The following ATP2B2 variants were observed in gnomAD, a reference collection of about 807,000 sequenced individuals.
The protein encoded by ATP2B2 is ATPase plasma membrane Ca2+ transporting 2, also known as plasma membrane calcium-transporting ATPase 2.
ATP2B2 carries 15 observed loss-of-function variants against 120.0 expected under a neutral mutation model. The ratio of observed to expected loss-of-function variants is 0.12; its 90% CI spans 0.08 to 0.19. ATP2B2 has a LOEUF of 0.19. Ranked by LOEUF, ATP2B2 falls within the 10% of genes least tolerant of loss-of-function variation. The probability of loss-of-function intolerance (pLI) is 1.00; values close to 1 mark genes in which losing one functional copy is unlikely to be tolerated. For synonymous variants in ATP2B2, 694 were observed against 700.3 expected (o/e 0.99, Z 0.14); for missense variants, 1,045 against 1,719.8 (o/e 0.61, Z 6.94).
chr3:10,528,200 TACA>T (rs1202698832), intron 3 of ATP2B2, among the ~76,000 whole-genome samples: 2 of 152,092 alleles, frequency 1.3e-5, no homozygotes, highest in African/African-American at 4.8e-5. Context: ...GGACTCTCTG[TACA>T]ACTGGCTGGC....
In ATP2B2 at chr3:10,582,077, ATT is replaced by A. The variant is rs1051890928; in HGVS notation, c.-415+37838_-415+37839del. On this transcript the variant is annotated intron_variant, in intron 2 of 21. Coordinates refer to the ATP2B2 transcript ENST00000646379. ...CCGCATTTCAATGAACACAAATCTT[ATT>A]TTTAACGAGACATACTTTGGCGCTT... Among the ~76,000 whole-genome samples, 44 of 152,328 alleles carry A rather than the reference ATT, an allele frequency of 2.9e-4. No homozygotes were observed. The East Asian group carries it at 5.2e-3, about 18-fold the overall frequency.
intron 1 of ATP2B2, among the ~76,000 whole-genome samples, chr3:10,653,163 T>C (rs1369939223): frequency 1.3e-5 from 2 of 152,124 alleles, no homozygotes; most frequent in African/African-American, 4.8e-5. Flanking sequence ...AGTTCTCAGA[T>C]AGGTATTTCT....
intron 2 of ATP2B2, among the ~76,000 whole-genome samples, chr3:10,580,086 A>G (rs2068353483): frequency 6.6e-6 from 1 of 152,138 alleles, no homozygotes; most frequent in Admixed American, 6.5e-5. Context: ...CGGTCATCCT[A>G]CATCAACAGG....
intron 5 of ATP2B2, among the ~76,000 whole-genome samples, chr3:10,399,867 G>C (rs2062160845): frequency 6.6e-6 from 1 of 152,226 alleles, no homozygotes; most frequent in South Asian, 2.1e-4. Flanking sequence ...AGGGAGCTCT[G>C]CTCCTTCCTT....
At chr3:10,362,516 C>G (rs1038533961) in intron 12 of ATP2B2, among the ~76,000 whole-genome samples, 3 of 152,238 alleles carry the variant, frequency 2.0e-5, no homozygotes, top group Non-Finnish European at 4.4e-5. Flanking sequence ...GATGGAGAGG[C>G]TGGAGCACAT....
chr3:10,410,677 A>G lies in ATP2B2; in HGVS notation c.338T>C (p.Ile113Thr), dbSNP rs1401643778. ...LQDVTLIILE[I>T]AAIISLGLSF... is the part of the protein sequence containing the mutation. ...CAGCCCCAGGGAGATGATGGCGGCA[A>G]TCTCCAGGATGATGAGCGTCACGTC... The change falls in exon 3 of 23, where the codon ATT becomes ACT. Residue 113 changes from isoleucine to threonine, a missense_variant. Transcript: ENST00000360273. 3 of 1,614,070 alleles carry G rather than the reference A, an allele frequency of 1.9e-6. No homozygotes were observed. Among genetic ancestry groups the G allele is most frequent in the Non-Finnish European group, 2.5e-6 (3 of 1,179,920 alleles).
intron 1 of ATP2B2, among the ~76,000 whole-genome samples, chr3:10,453,363 T>C (rs1290257607): frequency 6.6e-6 from 1 of 152,196 alleles, no homozygotes; most frequent in Non-Finnish European, 1.5e-5. Context: ...ATTATTATTG[T>C]CAATCCATAA....
At chr3:10,368,787 T>C (rs2061142260) in intron 12 of ATP2B2, among the ~76,000 whole-genome samples, 1 of 151,208 alleles carries the variant, frequency 6.6e-6, no homozygotes, top group South Asian at 2.1e-4. Flanking sequence ...ATCCACTCAT[T>C]CATCCATCCA....
chr3:10,556,130 C>G (rs1014582427), intron 2 of ATP2B2, among the ~76,000 whole-genome samples: 2 of 152,186 alleles, frequency 1.3e-5, no homozygotes, highest in African/African-American at 4.8e-5. Flanking sequence ...AAACTCCGGA[C>G]CTGAAGTGAT....
intron 1 of ATP2B2, among the ~76,000 whole-genome samples, chr3:10,499,755 G>A (rs2066304776): frequency 6.6e-6 from 1 of 151,994 alleles, no homozygotes; most frequent in African/African-American, 2.4e-5. Flanking sequence ...CTGCAGACCT[G>A]GGGTCTTCAT....
intron 2 of ATP2B2, among the ~76,000 whole-genome samples, chr3:10,574,343 C>T (rs550173570): frequency 7.9e-5 from 12 of 152,250 alleles, no homozygotes; most frequent in Admixed American, 6.5e-4. Flanking sequence ...CCCGGGAGGC[C>T]CCCACACAGC....
chr3:10,690,514 C>G lies in ATP2B2; in HGVS notation c.-460+17401G>C, dbSNP rs567001550. ...TCACCCCTTAACAAAAGTTACTATT[C>G]TCTCCATTTTACAGATGAGGAAACT... On this transcript the variant is annotated intron_variant, in intron 1 of 21. Transcript: ENST00000646379. Among the ~76,000 whole-genome samples the G allele has an allele frequency of 2.0e-5, 3 of 152,232 alleles. No individual in the cohort carries two copies. The South Asian group carries it at 6.2e-4, about 32-fold the overall frequency.
intron 1 of ATP2B2, among the ~76,000 whole-genome samples, chr3:10,455,320 G>A (rs488751): frequency 0.68 from 103,437 of 152,074 alleles, 38,466 homozygotes; most frequent in Non-Finnish European, 0.83. Context: ...AAGCTGGGAC[G>A]ACTTCCCTCA....
intron 1 of ATP2B2, among the ~76,000 whole-genome samples, chr3:10,467,976 G>T (rs1056768320): frequency 6.6e-6 from 1 of 152,188 alleles, no homozygotes; most frequent in Non-Finnish European, 1.5e-5. Flanking sequence ...CAGAGCCAGG[G>T]AATGGCCCGA....
At chr3:10,470,176 G>A (rs146542207) in intron 1 of ATP2B2, among the ~76,000 whole-genome samples, 1 of 152,180 alleles carries the variant, frequency 6.6e-6, no homozygotes, top group Admixed American at 6.5e-5. Context: ...GGTTGAAATA[G>A]AAATAGCAGT....
intron 2 of ATP2B2, 94 bp from the exon 3 acceptor site, chr3:10,410,909 G>T: frequency 6.9e-7 from 1 of 1,459,122 alleles, no homozygotes; most frequent in Non-Finnish European, 9.5e-7. Context: ...AACAGAGCAA[G>T]AAACTTGCTG....
intron 1 of ATP2B2, among the ~76,000 whole-genome samples, chr3:10,707,662 C>G (rs1015510069): frequency 2.8e-4 from 42 of 152,220 alleles, no homozygotes; most frequent in African/African-American, 9.1e-4. Flanking sequence ...CACCCGCAGG[C>G]GCCGGGTCCG....
chr3:10,484,441 C>T (rs1040197971), intron 1 of ATP2B2, among the ~76,000 whole-genome samples: 5 of 152,174 alleles, frequency 3.3e-5, no homozygotes, highest in African/African-American at 4.8e-5. Flanking sequence ...CAGTGTCTCC[C>T]CGTACCCCCA....
At chr3:10,345,154 T>C (rs762902466) in intron 18 of ATP2B2, among the ~76,000 whole-genome samples, 15 of 152,172 alleles carry the variant, frequency 9.9e-5, no homozygotes, top group Non-Finnish European at 1.9e-4. Context: ...TGGGTGACCT[T>C]GAACAAGTCA....
Sources: gnomAD v4.1 joint callset for allele counts (sites outside exome capture counted in the v4.1 genomes callset) on GRCh38, gnomAD v4.1.1 for gene constraint, MANE v1.5 for transcripts, NCBI Gene and HGNC (gene_info 2026-07-23, HGNC 2026-07-21) for gene names.